The following SH3RF1 variants were observed in gnomAD, a reference collection of about 807,000 sequenced individuals.
The protein encoded by SH3RF1 is SH3 domain containing ring finger 1.
A neutral mutation model predicts 74.0 loss-of-function variants in SH3RF1; 32 were observed. That is an observed-to-expected ratio of 0.43 (90% CI 0.33 to 0.58). SH3RF1 has a LOEUF of 0.58. Among genes scored for constraint, SH3RF1 ranks in the 20% least tolerant of loss-of-function variants. SH3RF1 has a pLI of 0.05. For synonymous variants in SH3RF1, 396 were observed against 439.6 expected (o/e 0.90, Z 1.24); for missense variants, 954 against 1,130.9 (o/e 0.84, Z 2.24).
intron 3 of SH3RF1, among the ~76,000 whole-genome samples, chr4:169,156,023 C>T (rs1734044980): frequency 1.3e-5 from 2 of 152,160 alleles, no homozygotes; most frequent in African/African-American, 4.8e-5. Context: ...AGATATATTC[C>T]TGTATGCTTT....
chr4:169,223,917 T>C (rs550323118), intron 2 of SH3RF1, among the ~76,000 whole-genome samples: 4 of 152,248 alleles, frequency 2.6e-5, no homozygotes, highest in South Asian at 4.1e-4. Flanking sequence ...TAAGAACAGC[T>C]AGAAGGCCAG....
rs1484454540 is a variant in SH3RF1 at position 169,155,465 on chromosome 4, T to C, written c.765+15A>G. The C allele has an allele frequency of 1.3e-6, 2 of 1,574,450 alleles. No homozygotes were observed. Among genetic ancestry groups the C allele is most frequent in the Non-Finnish European group, 1.7e-6 (2 of 1,144,412 alleles). On this transcript the variant is annotated intron_variant, in intron 4 of 11. Transcript: ENST00000284637. The stretch of plus-strand genomic sequence containing the variant: ...TGAATATTAACACAGTTCAAGTTTC[T>C]ACAGATTAATTTACCTCAACATATG...
At chr4:169,099,730 C>T (rs550070195) in intron 11 of SH3RF1, among the ~76,000 whole-genome samples, 1 of 152,220 alleles carries the variant, frequency 6.6e-6, no homozygotes, top group East Asian at 1.9e-4. Flanking sequence ...ATGCACTAAA[C>T]CAATTTTGTC....
chr4:169,218,891 T>A (rs1364172749), intron 2 of SH3RF1, among the ~76,000 whole-genome samples: 1 of 151,940 alleles, frequency 6.6e-6, no homozygotes, highest in African/African-American at 2.4e-5. Flanking sequence ...TAATTAGGAG[T>A]CAATGATTCA....
At chr4:169,102,666 C>A (rs1733059835) in intron 11 of SH3RF1, among the ~76,000 whole-genome samples, 1 of 151,476 alleles carries the variant, frequency 6.6e-6, no homozygotes, top group Non-Finnish European at 1.5e-5. Context: ...TATATTTGTT[C>A]TATTGTTTCT....
intron 2 of SH3RF1, chr4:169,220,470 GT>G (rs777288048): frequency 1.3e-5 from 2 of 152,210 alleles, no homozygotes; most frequent in African/African-American, 2.4e-5. Flanking sequence ...CCTTTTTCTA[GT>G]ACATTTAGAG....
At chr4:169,121,974 A>G (rs10009322) in intron 7 of SH3RF1, 126 bp downstream of exon 7, 2 of 1,283,842 alleles carry the variant, frequency 1.6e-6, no homozygotes, top group African/African-American at 3.0e-5. Context: ...AGTTTGCAGG[A>G]CACAGACCGC....
chr4:169,223,293 C>T (rs548488459), intron 2 of SH3RF1, among the ~76,000 whole-genome samples: 2 of 152,280 alleles, frequency 1.3e-5, no homozygotes, highest in South Asian at 2.1e-4. Flanking sequence ...CACCTCTCCA[C>T]AAAATGCAGC....
At chr4:169,239,411 A>C (rs1395827683) in intron 2 of SH3RF1, among the ~76,000 whole-genome samples, 1 of 152,208 alleles carries the variant, frequency 6.6e-6, no homozygotes, top group Non-Finnish European at 1.5e-5. Flanking sequence ...CTGAATCACA[A>C]GTGCTGTTCA....
chr4:169,135,226 C>A (rs1443311403), intron 5 of SH3RF1, among the ~76,000 whole-genome samples: 2 of 152,002 alleles, frequency 1.3e-5, no homozygotes, highest in African/African-American at 4.8e-5. Flanking sequence ...CAAGGGATAT[C>A]AAAAACTGTA....
intron 2 of SH3RF1, among the ~76,000 whole-genome samples, chr4:169,185,205 G>A (rs1303842882): frequency 6.6e-6 from 1 of 152,156 alleles, no homozygotes; most frequent in East Asian, 1.9e-4. Context: ...TAAACATTGA[G>A]GATAAAATGA....
chr4:169,146,034 C>CTATATATTCTATATAAAATAT (rs1169736730), intron 4 of SH3RF1, among the ~76,000 whole-genome samples: 12 of 129,840 alleles, frequency 9.2e-5, no homozygotes, highest in East Asian at 8.4e-4. Context: ...ATTACATATT[C>CTATATATTCTATATAAAATAT]TATATATTCT....
intron 2 of SH3RF1, among the ~76,000 whole-genome samples, chr4:169,251,463 G>C (rs1039256883): frequency 3.3e-5 from 5 of 152,134 alleles, no homozygotes; most frequent in South Asian, 2.1e-4. Context: ...ATAACTAAAT[G>C]AAAGTCATGT....
intron 10 of SH3RF1, among the ~76,000 whole-genome samples, chr4:169,113,776 A>G (rs1733284388): frequency 6.6e-6 from 1 of 152,224 alleles, no homozygotes; most frequent in South Asian, 2.1e-4. Context: ...GACTTGGAAC[A>G]CTAAATGAGG....
At chr4:169,144,282 T>C (rs936350382) in intron 4 of SH3RF1, among the ~76,000 whole-genome samples, 3 of 152,208 alleles carry the variant, frequency 2.0e-5, no homozygotes, top group Non-Finnish European at 4.4e-5. Flanking sequence ...ATTTCTCATT[T>C]GTAACATGAA....
chr4:169,146,419 A>T (rs1179910533), intron 4 of SH3RF1, among the ~76,000 whole-genome samples: 1 of 151,580 alleles, frequency 6.6e-6, no homozygotes, highest in African/African-American at 2.4e-5. Context: ...TAGTAGAGAC[A>T]GGGTTTCACC....
intron 2 of SH3RF1, among the ~76,000 whole-genome samples, chr4:169,265,365 T>G (rs1731335620): frequency 6.6e-6 from 1 of 152,230 alleles, no homozygotes; most frequent in Non-Finnish European, 1.5e-5. Flanking sequence ...TTTGGATGAA[T>G]AAATTTGCTG....
chr4:169,119,001 T>C (rs1266098798), intron 8 of SH3RF1, among the ~76,000 whole-genome samples: 1 of 152,216 alleles, frequency 6.6e-6, no homozygotes, highest in Admixed American at 6.5e-5. Flanking sequence ...ATATAGTAAC[T>C]TTCTACTAAG....
At position 169,208,149 on chromosome 4, in the gene SH3RF1, GT is replaced by G. The variant is rs5863986; in HGVS notation, c.394-51471del. Among the ~76,000 whole-genome samples the G allele has an allele frequency of 3.5e-3, 520 of 146,502 alleles. 1 individual carries two copies. Among genetic ancestry groups the G allele is most frequent in the African/African-American group, 0.011 (445 of 39,554 alleles). On this transcript the variant is annotated intron_variant, in intron 2 of 11. Coordinates refer to ENST00000284637, the MANE Select transcript of SH3RF1 (RefSeq NM_020870.4). ...CAGAATTGCTTATTTAAGTCCTCAA[GT>G]TTTTTTTTTTTTTCCTAAAAGGAAA... is the stretch of plus-strand genomic sequence containing the variant.
Sources: allele counts gnomAD v4.1 joint callset (sites outside exome capture counted in the v4.1 genomes callset), GRCh38; gene constraint gnomAD v4.1.1; transcripts MANE v1.5; gene names NCBI Gene and HGNC (gene_info 2026-07-23, HGNC 2026-07-21).